The following MRC1 variants were observed in gnomAD, a reference collection of about 807,000 sequenced individuals.
The protein encoded by MRC1 is macrophage mannose receptor 1.
A neutral mutation model predicts 102.9 loss-of-function variants in MRC1; 62 were observed. The observed-to-expected ratio is 0.60, with a 90% CI of 0.49 to 0.74. The LOEUF is 0.74. Ranked by LOEUF, MRC1 falls within the 30% of genes least tolerant of loss-of-function variation. The pLI, the probability that MRC1 is intolerant of heterozygous loss-of-function variation, is 0.00. For missense variants in MRC1, 1,237 were observed against 862.8 expected (o/e 1.43, Z -5.43); for synonymous variants, 457 against 298.4 (o/e 1.53, Z -5.48).
At chr10:17,882,476 CAT>C (rs1833533865) in intron 21 of MRC1, among the ~76,000 whole-genome samples, 2 of 151,876 alleles carry the variant, frequency 1.3e-5, no homozygotes, top group African/African-American at 2.4e-5. Flanking sequence ...TGGTAGGAGA[CAT>C]ATGGACTGAA....
chr10:17,849,736 G>C lies in MRC1; in HGVS notation c.1221G>C (p.Leu407Phe), dbSNP rs71497225. Residue 407 changes from leucine (L) to phenylalanine (F), a missense_variant, in exon 7 of 30, where the codon TTG becomes TTC. Coordinates refer to ENST00000569591, the MANE Select transcript of MRC1 (RefSeq NM_002438.4). ...DLTSIHTIEE[L>F]DFIISQLGYE... ...CAAGTATCCACACCATCGAGGAATT[G>C]GACTTTATTATCTCCCAGCTAGGAT... 645,295 of 780,472 alleles carry C rather than the reference G, an allele frequency of 0.83. 268,281 individuals carry two copies. The highest frequency in any genetic ancestry group is 1 in the East Asian group (41,179 of 41,228). The allele number at this position is 780,472 out of a possible 1,614,324, so 48.3% of individuals were successfully genotyped here.
chr10:17,831,289 T>C (rs2130607979), intron 3 of MRC1, among the ~76,000 whole-genome samples: 1 of 151,466 alleles, frequency 6.6e-6, no homozygotes, highest in East Asian at 1.9e-4. Flanking sequence ...ATTAGTCTTA[T>C]TTGAATGGTC....
At chr10:17,871,164 G>T (rs940733780) in intron 14 of MRC1, among the ~76,000 whole-genome samples, 1 of 152,008 alleles carries the variant, frequency 6.6e-6, no homozygotes, top group South Asian at 2.1e-4. Flanking sequence ...TAATGATTAG[G>T]CTTCGTCAGA....
rs1156786314 is a variant in MRC1, at chr10:17,910,651, A to C, written c.*186A>C. ...GCCTGGCAAGATATTTTCATAAAAGAGGGATAACAATGCTGATTACTACCT... is the reference window on the plus strand; with the variant it reads ...GCCTGGCAAGATATTTTCATAAAAGCGGGATAACAATGCTGATTACTACCT... On this transcript the variant is annotated 3_prime_UTR_variant, in exon 30 of 30. Coordinates refer to ENST00000569591, the MANE Select transcript of MRC1 (RefSeq NM_002438.4). 4 of 657,348 alleles carry C rather than the reference A, an allele frequency of 6.1e-6. No individual in the cohort carries two copies. The highest frequency in any genetic ancestry group is 1.1e-5 in the Non-Finnish European group (4 of 367,072). The allele number at this position is 657,348 out of a possible 1,614,324, so 40.7% of individuals were successfully genotyped here.
intron 5 of MRC1, 22 bp downstream of exon 5, chr10:17,840,828 T>A: frequency 1.3e-6 from 1 of 780,834 alleles, no homozygotes; most frequent in Non-Finnish European, 2.4e-6. Flanking sequence ...CCTGTTTGTG[T>A]CGAATTAATC....
Position 17,847,926 on chromosome 10 carries a change from C to T in MRC1, c.1064-1653C>T, listed in dbSNP as rs78211514. Among the ~76,000 whole-genome samples the T allele has an allele frequency of 1.8e-3, 272 of 147,428 alleles. 2 individuals are homozygous for T. The highest frequency in any genetic ancestry group is 5.3e-3 in the African/African-American group (214 of 40,382). On this transcript the variant is annotated intron_variant, in intron 6 of 29. Coordinates refer to ENST00000569591, the MANE Select transcript of MRC1 (RefSeq NM_002438.4). Reference sequence around the variant, plus strand: ...AGCTTGCTTTCTTTTTCTTTTTCTTCTTTTTTTTTTTGTAACCACTGGAAG... The same window carrying T: ...AGCTTGCTTTCTTTTTCTTTTTCTTTTTTTTTTTTTTGTAACCACTGGAAG...
At chr10:17,844,383 G>A (rs1035860481) in intron 5 of MRC1, among the ~76,000 whole-genome samples, 3 of 151,696 alleles carry the variant, frequency 2.0e-5, no homozygotes, top group African/African-American at 7.3e-5. Flanking sequence ...CTCCCCGGCC[G>A]ATTTTTTTGT....
intron 14 of MRC1, among the ~76,000 whole-genome samples, chr10:17,871,594 A>C (rs1833355435): frequency 6.6e-6 from 1 of 152,204 alleles, no homozygotes; most frequent in African/African-American, 2.4e-5. Flanking sequence ...ATAAAGAGAA[A>C]ACTTCCAATA....
intron 26 of MRC1, among the ~76,000 whole-genome samples, chr10:17,903,672 T>C (rs1392584543): frequency 6.6e-6 from 1 of 152,116 alleles, no homozygotes; most frequent in Admixed American, 6.6e-5. Flanking sequence ...CTGGGATTAC[T>C]GGTGTGAGCC....
chr10:17,861,469 A>T lies in MRC1; in HGVS notation c.1601A>T (p.Asn534Ile). 1 of 872,236 alleles carries T rather than the reference A, an allele frequency of 1.1e-6. No homozygotes were observed. The highest frequency in any genetic ancestry group is 2.0e-6 in the Non-Finnish European group (1 of 501,208). The allele number at this position is 872,236 out of a possible 1,614,324, so 54.0% of individuals were successfully genotyped here. A position where few individuals can be genotyped will look rare whatever the true frequency, so the allele number is the denominator to read the frequency against. The change falls in exon 10 of 30, where the codon AAT becomes ATT. Residue 534 changes from asparagine (N) to isoleucine (I), a missense_variant. Physicochemically the swap from Asn to Ile is moderately radical, Grantham distance 149. Transcript: ENST00000569591. ...TFAEANQTCN[N>I]ENAYLTTIED... ...GCAGAAGCAAACCAAACCTGTAATA[A>T]TGAGAATGCTTATTTAACAACTATT...
rs1833360912 is a variant in MRC1 at position 17,871,979 on chromosome 10, T to A, written c.2200-3T>A. On this transcript the variant is annotated splice_region_variant and splice_polypyrimidine_tract_variant and intron_variant, in intron 14 of 29. Coordinates refer to ENST00000569591, the MANE Select transcript of MRC1 (RefSeq NM_002438.4). ...TGGTTGTAGTTTAATGTTTCTAATATAGGTTTCATATGAAAACTGGGCTTA... is the reference window on the plus strand; with the variant it reads ...TGGTTGTAGTTTAATGTTTCTAATAAAGGTTTCATATGAAAACTGGGCTTA... 4 of 780,280 alleles carry A rather than the reference T, an allele frequency of 5.1e-6. No individual in the cohort carries two copies. Among genetic ancestry groups the A allele is most frequent in the Non-Finnish European group, 9.6e-6 (4 of 417,716 alleles). The allele number at this position is 780,280 out of a possible 1,614,324, so 48.3% of individuals were successfully genotyped here.
intron 10 of MRC1, 21 bp downstream of exon 10, chr10:17,861,523 C>T (rs1833183909): frequency 9.4e-6 from 8 of 851,432 alleles, no homozygotes; most frequent in Non-Finnish European, 1.4e-5. Flanking sequence ...ATTTTAATTT[C>T]ATTTTAAAAT....
intron 23 of MRC1, among the ~76,000 whole-genome samples, chr10:17,895,993 C>T (rs967382545): frequency 1.3e-5 from 2 of 152,296 alleles, no homozygotes; most frequent in South Asian, 4.1e-4. Context: ...CTGGGGGCTG[C>T]CACAGCAGTG....
intron 9 of MRC1, among the ~76,000 whole-genome samples, chr10:17,860,464 G>A (rs1273273814): frequency 1.3e-5 from 2 of 151,990 alleles, no homozygotes; most frequent in Non-Finnish European, 2.9e-5. Context: ...TTTCTGTAAA[G>A]ATAGGGACTC....
chr10:17,908,001 C>A (rs981873943), intron 28 of MRC1, among the ~76,000 whole-genome samples: 7 of 152,308 alleles, frequency 4.6e-5, no homozygotes, highest in Non-Finnish European at 7.3e-5. Flanking sequence ...AGCCTTATTG[C>A]ATGAGGGAAA....
Position 17,870,246 on chromosome 10 carries a change from C to A in MRC1, c.1984C>A (p.Leu662Met). 3 of 780,216 alleles carry A rather than the reference C, an allele frequency of 3.8e-6. No individual in the cohort carries two copies. The highest frequency in any genetic ancestry group is 7.2e-6 in the Non-Finnish European group (3 of 417,594). The allele number at this position is 780,216 out of a possible 1,614,324, so 48.3% of individuals were successfully genotyped here. A position where few individuals can be genotyped will look rare whatever the true frequency, so the allele number is the denominator to read the frequency against. ...ASSRTSLCFKLYAKGKHEKKT... is the reference protein window; with the variant it reads ...ASSRTSLCFKMYAKGKHEKKT... ...ATTTTTGTAACCATATCATCTTCAG[C>A]TGTATGCAAAAGGAAAACATGAGAA... Residue 662 changes from leucine (L) to methionine (M), a missense_variant and splice_region_variant, in exon 13 of 30, where the codon CTG becomes ATG. Coordinates refer to ENST00000569591, the MANE Select transcript of MRC1 (RefSeq NM_002438.4).
rs782097450 is a variant in MRC1, at chr10:17,849,549, T to A, written c.1064-30T>A. On this transcript the variant is annotated intron_variant, in intron 6 of 29. Coordinates refer to ENST00000569591, the MANE Select transcript of MRC1 (RefSeq NM_002438.4). ...ATAGTTTTAATCAAATCTTTTAAAA[T>A]TTTTTTCCGACCCCCCTTTTTGTTT... 3.4e-5 allele frequency: 23 copies of A among 677,552 alleles called. No individual in the cohort carries two copies. The African/African-American group carries it at 3.5e-4, about 10-fold the overall frequency. 42.0% of individuals were successfully genotyped at this position (677,552 alleles called of 1,614,324 possible). A position where few individuals can be genotyped will look rare whatever the true frequency, so the allele number is the denominator to read the frequency against.
chr10:17,811,409 G>A (rs1838219465), intron 1 of MRC1, among the ~76,000 whole-genome samples: 1 of 152,132 alleles, frequency 6.6e-6, no homozygotes, highest in African/African-American at 2.4e-5. Context: ...ACAGCAGGAT[G>A]CCCTCCTCTG....
At chr10:17,884,746 T>C (rs1833566792) in intron 21 of MRC1, among the ~76,000 whole-genome samples, 1 of 152,224 alleles carries the variant, frequency 6.6e-6, no homozygotes, top group Admixed American at 6.5e-5. Flanking sequence ...TGGGAATTAT[T>C]ACAATTCCAG....
Sources: allele counts gnomAD v4.1 joint callset (sites outside exome capture counted in the v4.1 genomes callset), GRCh38; gene constraint gnomAD v4.1.1; transcripts MANE v1.5; gene names NCBI Gene and HGNC (gene_info 2026-07-23, HGNC 2026-07-21).